Variants in PTPRT observed in about 807,000 individuals in gnomAD.
PTPRT encodes the protein receptor-type tyrosine-protein phosphatase T.
PTPRT carries 56 observed loss-of-function variants against 176.8 expected under a neutral mutation model. That is an observed-to-expected ratio of 0.32 (90% confidence interval 0.26 to 0.40). The LOEUF is 0.40. Among genes scored for constraint, PTPRT ranks in the 10% least tolerant of loss-of-function variants. The pLI, the probability that PTPRT is intolerant of heterozygous loss-of-function variation, is 1.00. For missense variants in PTPRT, 1,540 were observed against 1,908.2 expected (o/e 0.81, Z 3.60); for synonymous variants, 783 against 739.0 (o/e 1.06, Z -0.96).
chr20:42,483,482 C>G (rs535044170), intron 7 of PTPRT, among the ~76,000 whole-genome samples: 23 of 152,140 alleles, frequency 1.5e-4, no homozygotes, highest in African/African-American at 5.1e-4. Context: ...GTTCTTTAGG[C>G]CTTCCTTTAA....
At chr20:42,147,131 G>A (rs1397865119) in intron 17 of PTPRT, among the ~76,000 whole-genome samples, 1 of 152,184 alleles carries the variant, frequency 6.6e-6, no homozygotes, top group East Asian at 1.9e-4. Flanking sequence ...GGAAAGGGTA[G>A]CATCTTTGTC....
At chr20:42,665,734 A>C (rs963014223) in intron 7 of PTPRT, among the ~76,000 whole-genome samples, 2 of 152,190 alleles carry the variant, frequency 1.3e-5, no homozygotes, top group Non-Finnish European at 2.9e-5. Context: ...AAAATGTGGC[A>C]CATATACACC....
intron 1 of PTPRT, among the ~76,000 whole-genome samples, chr20:43,052,286 T>C (rs1049494319): frequency 6.6e-6 from 1 of 152,186 alleles, no homozygotes; most frequent in African/African-American, 2.4e-5. Context: ...AGAAACATGT[T>C]TACTGAACCC....
intron 22 of PTPRT, 29 bp downstream of exon 22, chr20:42,115,170 C>A (rs759014161): frequency 1.3e-6 from 2 of 1,526,142 alleles, no homozygotes; most frequent in Non-Finnish European, 1.8e-6. Context: ...CATGGTGGAC[C>A]GGCTGCCCAC....
intron 9 of PTPRT, among the ~76,000 whole-genome samples, chr20:42,433,049 T>A (rs2059229295): frequency 6.6e-6 from 1 of 152,194 alleles, no homozygotes; most frequent in African/African-American, 2.4e-5. Context: ...TTGAGTTCAG[T>A]CATGAGATGG....
chr20:42,418,183 G>T lies in PTPRT; in HGVS notation c.1560+30037C>A, dbSNP rs565205771. Among the ~76,000 whole-genome samples, 4 of 152,156 alleles carry T rather than the reference G, an allele frequency of 2.6e-5. No homozygotes were observed. The East Asian group carries it at 5.8e-4, about 22-fold the overall frequency. ...TAGTATAAAAAGTATAAAATATCTT[G>T]TTCATATTTTTATATTAAATTACAT... On this transcript the variant is annotated intron_variant, in intron 9 of 30. Coordinates refer to ENST00000373187, the MANE Select transcript of PTPRT (RefSeq NM_007050.6).
intron 2 of PTPRT, among the ~76,000 whole-genome samples, chr20:42,863,572 C>G (rs2145799990): frequency 6.6e-6 from 1 of 152,290 alleles, no homozygotes; most frequent in South Asian, 2.1e-4. Context: ...TGAACAAGAT[C>G]CAACCCTAAA....
chr20:42,779,938 A>G (rs936276245), intron 4 of PTPRT, among the ~76,000 whole-genome samples: 1 of 151,884 alleles, frequency 6.6e-6, no homozygotes, highest in African/African-American at 2.4e-5. Flanking sequence ...CTAATAAACA[A>G]TCAGGACTTT....
At chr20:42,722,213 G>A (rs1338316301) in intron 6 of PTPRT, among the ~76,000 whole-genome samples, 1 of 152,036 alleles carries the variant, frequency 6.6e-6, no homozygotes, top group Non-Finnish European at 1.5e-5. Flanking sequence ...TCGGTGGGGT[G>A]GGGGGTGTCC....
At chr20:42,113,393 T>C (rs1279375952) in intron 22 of PTPRT, among the ~76,000 whole-genome samples, 1 of 152,186 alleles carries the variant, frequency 6.6e-6, no homozygotes, top group Non-Finnish European at 1.5e-5. Context: ...TCCTCTTCCT[T>C]GGGCCTGTGC....
At chr20:42,305,838 T>C (rs1233512674) in intron 12 of PTPRT, among the ~76,000 whole-genome samples, 1 of 152,200 alleles carries the variant, frequency 6.6e-6, no homozygotes, top group African/African-American at 2.4e-5. Context: ...AACCCATGGA[T>C]ACCATTTCCA....
In PTPRT at chr20:42,885,948, ATAT is replaced by A. The variant is rs760962095; in HGVS notation, c.89-19_89-17del. Reference sequence around the variant, plus strand: ...GAACAGCCACCTGTAGACAAAAGAGATATGGGTAAATACATTCCCGTGTCTGAG... The same window carrying A: ...GAACAGCCACCTGTAGACAAAAGAGAGGGTAAATACATTCCCGTGTCTGAG... On this transcript the variant is annotated splice_polypyrimidine_tract_variant and intron_variant, in intron 1 of 30. Coordinates refer to ENST00000373187, the MANE Select transcript of PTPRT (RefSeq NM_007050.6). The A allele has an allele frequency of 2.5e-6, 4 of 1,593,610 alleles. No individual in the cohort carries two copies. The highest frequency in any genetic ancestry group is 3.4e-6 in the Non-Finnish European group (4 of 1,167,062).
At chr20:42,195,457 C>T (rs1456545231) in intron 16 of PTPRT, among the ~76,000 whole-genome samples, 1 of 152,098 alleles carries the variant, frequency 6.6e-6, no homozygotes, top group Non-Finnish European at 1.5e-5. Flanking sequence ...TTTCTCATCT[C>T]CAGTGTAAGC....
chr20:42,829,565 T>C (rs957500074), intron 2 of PTPRT, among the ~76,000 whole-genome samples: 11 of 152,260 alleles, frequency 7.2e-5, no homozygotes, highest in Non-Finnish European at 1.3e-4. Flanking sequence ...CCATCTCTAC[T>C]AAAAATACAA....
intron 15 of PTPRT, among the ~76,000 whole-genome samples, chr20:42,230,164 T>G (rs2056104655): frequency 6.6e-6 from 1 of 152,160 alleles, no homozygotes; most frequent in African/African-American, 2.4e-5. Context: ...ATATCGGATT[T>G]GAATATATTG....
chr20:42,549,720 T>C (rs1372995719), intron 7 of PTPRT, among the ~76,000 whole-genome samples: 4 of 152,090 alleles, frequency 2.6e-5, no homozygotes, highest in Non-Finnish European at 5.9e-5. Flanking sequence ...CCACAGCTGG[T>C]GAATGGGAGG....
At chr20:42,154,758 A>C (rs375884283) in intron 17 of PTPRT, among the ~76,000 whole-genome samples, 3 of 152,112 alleles carry the variant, frequency 2.0e-5, no homozygotes, top group African/African-American at 4.8e-5. Flanking sequence ...CAGCAGTTAC[A>C]TGGGACACAG....
chr20:42,459,580 T>G (rs897606988), intron 8 of PTPRT, among the ~76,000 whole-genome samples: 10 of 152,146 alleles, frequency 6.6e-5, no homozygotes, highest in Middle Eastern at 6.3e-3. Context: ...TGACATACAT[T>G]GCAGGATGAA....
intron 26 of PTPRT, 127 bp downstream of exon 26, chr20:42,101,997 C>G (rs1985984350): frequency 8.8e-7 from 1 of 1,131,386 alleles, no homozygotes; most frequent in South Asian, 1.6e-5. Context: ...GTCCTTGGGA[C>G]TAGTAGATCA....
Sources: gnomAD v4.1 joint callset for allele counts (sites outside exome capture counted in the v4.1 genomes callset) on GRCh38, gnomAD v4.1.1 for gene constraint, MANE v1.5 for transcripts, NCBI Gene and HGNC (gene_info 2026-07-23, HGNC 2026-07-21) for gene names.